Variants in ULK4 observed in about 807,000 individuals in gnomAD.
ULK4 encodes the protein unc-51 like kinase 4, also known as inactive serine/threonine-protein kinase ULK4.
A neutral mutation model predicts 160.6 loss-of-function variants in ULK4; 133 were observed. The ratio of observed to expected loss-of-function variants is 0.83; its 90% CI spans 0.72 to 0.96. The LOEUF (loss-of-function observed/expected upper bound fraction) is 0.96, where lower values mean the gene tolerates loss of function less well. Among genes scored for constraint, ULK4 ranks in the 40% least tolerant of loss-of-function variants. The probability of loss-of-function intolerance (pLI) is 0.00; values close to 1 mark genes in which losing one functional copy is unlikely to be tolerated. For synonymous variants in ULK4, 534 were observed against 539.8 expected (o/e 0.99, Z 0.15); for missense variants, 1,580 against 1,499.5 (o/e 1.05, Z -0.89).
At chr3:41,869,214 C>A (rs1450216547) in intron 17 of ULK4, 1 of 151,822 alleles carries the variant, frequency 6.6e-6, no homozygotes, top group Non-Finnish European at 1.5e-5. Flanking sequence ...TCAGAAGTAA[C>A]CCTGAATCAA....
intron 1 of ULK4, among the ~76,000 whole-genome samples, chr3:41,961,743 G>A (rs919714845): frequency 2.0e-5 from 3 of 152,174 alleles, no homozygotes; most frequent in African/African-American, 7.2e-5. Context: ...CTCCCAAGCC[G>A]AAACACACAA....
chr3:41,935,196 T>TATTTATTA (rs1699726271), intron 4 of ULK4, among the ~76,000 whole-genome samples: 1 of 6,614 alleles, frequency 1.5e-4, no homozygotes, highest in African/African-American at 1.7e-4. Flanking sequence ...TTTGTGTTTT[T>TATTTATTA]ATTTATTTAT....
intron 35 of ULK4, among the ~76,000 whole-genome samples, chr3:41,356,875 T>A (rs1258673820): frequency 6.6e-6 from 1 of 152,022 alleles, no homozygotes; most frequent in Non-Finnish European, 1.5e-5. Flanking sequence ...GAATGAGGCC[T>A]AGTAGTTCAG....
At chr3:41,348,356 G>A (rs2080845731) in intron 35 of ULK4, among the ~76,000 whole-genome samples, 1 of 152,148 alleles carries the variant, frequency 6.6e-6, no homozygotes, top group Non-Finnish European at 1.5e-5. Context: ...CTAGGACAAG[G>A]TGTACTGGGG....
chr3:41,596,484 A>G lies in ULK4; in HGVS notation c.3120+19185T>C, dbSNP rs531221614. Among the ~76,000 whole-genome samples the G allele has an allele frequency of 3.7e-4, 56 of 152,222 alleles. 2 individuals carry two copies. In the South Asian group the frequency reaches 0.011, roughly 29 times the overall value. ...GGGCTTGAGATGGGCAAAATCATGG[A>G]ATCCAAGCTAAGAAAGGGAAGAGAA... On this transcript the variant is annotated intron_variant, in intron 31 of 36. Coordinates refer to ENST00000301831, the MANE Select transcript of ULK4 (RefSeq NM_017886.4).
At chr3:41,473,159 AT>A (rs1380319163) in intron 32 of ULK4, among the ~76,000 whole-genome samples, 2 of 152,262 alleles carry the variant, frequency 1.3e-5, no homozygotes, top group East Asian at 3.9e-4. Context: ...AAAATAAAAC[AT>A]TTTCCTCTAA....
intron 14 of ULK4, among the ~76,000 whole-genome samples, 160 bp downstream of exon 14, chr3:41,898,270 TAC>T (rs1315816723): frequency 1.3e-5 from 2 of 152,216 alleles, no homozygotes. Flanking sequence ...ACAAATGAAT[TAC>T]AGATTGTTTA....
At chr3:41,928,944 A>C (rs1331127253) in intron 5 of ULK4, among the ~76,000 whole-genome samples, 1 of 152,156 alleles carries the variant, frequency 6.6e-6, no homozygotes, top group Admixed American at 6.5e-5. Flanking sequence ...TTCTGAAACT[A>C]TTACAAACAA....
At chr3:41,642,571 T>C (rs2034267546) in intron 30 of ULK4, among the ~76,000 whole-genome samples, 1 of 152,228 alleles carries the variant, frequency 6.6e-6, no homozygotes, top group South Asian at 2.1e-4. Flanking sequence ...TGCCACATTT[T>C]CTTAATCCAC....
chr3:41,721,514 C>T (rs1437017678), intron 22 of ULK4, among the ~76,000 whole-genome samples: 3 of 150,260 alleles, frequency 2.0e-5, no homozygotes, highest in East Asian at 1.9e-4. Context: ...ATTACAGGCA[C>T]CTGCCACCAC....
At chr3:41,373,884 C>T (rs982567392) in intron 35 of ULK4, among the ~76,000 whole-genome samples, 14 of 151,570 alleles carry the variant, frequency 9.2e-5, no homozygotes, top group African/African-American at 2.9e-4. Flanking sequence ...ACAGATGGAC[C>T]GCTAGCCAGA....
chr3:41,500,298 C>G (rs1016473772), intron 32 of ULK4, among the ~76,000 whole-genome samples: 4 of 139,898 alleles, frequency 2.9e-5, no homozygotes, highest in African/African-American at 1.0e-4. Flanking sequence ...TTTTTTCCTA[C>G]TGAAATCATT....
At chr3:41,696,798 A>G (rs1209955213) in intron 27 of ULK4, among the ~76,000 whole-genome samples, 1 of 152,206 alleles carries the variant, frequency 6.6e-6, no homozygotes, top group African/African-American at 2.4e-5. Context: ...CCAATATAAT[A>G]ATAAGGATCC....
intron 23 of ULK4, among the ~76,000 whole-genome samples, 199 bp downstream of exon 23, chr3:41,717,529 C>A (rs115980688): frequency 2.0e-5 from 3 of 152,232 alleles, no homozygotes; most frequent in Non-Finnish European, 2.9e-5. Context: ...TCTCATCATG[C>A]CTCATCATGT....
At chr3:41,617,536 G>A (rs2033034347) in intron 30 of ULK4, among the ~76,000 whole-genome samples, 1 of 152,164 alleles carries the variant, frequency 6.6e-6, no homozygotes. Flanking sequence ...GGGCCTGACT[G>A]TTTGAAGAAA....
intron 35 of ULK4, among the ~76,000 whole-genome samples, chr3:41,259,402 C>T (rs939965216): frequency 2.0e-5 from 3 of 152,166 alleles, no homozygotes; most frequent in African/African-American, 7.2e-5. Context: ...CCATCCTATG[C>T]CCCCTGATAA....
chr3:41,530,766 A>C (rs1254846885), intron 32 of ULK4, among the ~76,000 whole-genome samples: 1 of 152,118 alleles, frequency 6.6e-6, no homozygotes, highest in African/African-American at 2.4e-5. Flanking sequence ...ATGAATTTTT[A>C]TTTATTTATA....
chr3:41,400,916 C>T (rs1298239223), intron 34 of ULK4, among the ~76,000 whole-genome samples: 2 of 152,196 alleles, frequency 1.3e-5, no homozygotes, highest in African/African-American at 4.8e-5. Flanking sequence ...TTTAAATTCA[C>T]ATTTCCCTAA....
chr3:41,633,429 G>A (rs2033826525), intron 30 of ULK4, among the ~76,000 whole-genome samples: 1 of 152,052 alleles, frequency 6.6e-6, no homozygotes, highest in African/African-American at 2.4e-5. Flanking sequence ...ATGATATAAT[G>A]GCAGAGTTAA....
Sources: gnomAD v4.1 joint callset for allele counts (sites outside exome capture counted in the v4.1 genomes callset) on GRCh38, gnomAD v4.1.1 for gene constraint, MANE v1.5 for transcripts, NCBI Gene and HGNC (gene_info 2026-07-23, HGNC 2026-07-21) for gene names.